The following CTNNA2 variants were observed in gnomAD, a reference collection of about 807,000 sequenced individuals.
CTNNA2 encodes the protein catenin alpha-2.
CTNNA2 carries 42 observed loss-of-function variants against 101.0 expected under a neutral mutation model. The observed-to-expected ratio is 0.42, with a 90% CI of 0.32 to 0.54. The LOEUF is 0.54. CTNNA2 is among the 20% of genes least tolerant of loss of function. CTNNA2 has a pLI of 0.14. For missense variants in CTNNA2, 871 were observed against 1,223.1 expected (o/e 0.71, Z 4.29); for synonymous variants, 450 against 456.4 (o/e 0.99, Z 0.18).
intron 7 of CTNNA2, among the ~76,000 whole-genome samples, chr2:80,365,255 G>T (rs12468170): frequency 0.085 from 12,856 of 152,028 alleles, 895 homozygotes; most frequent in African/African-American, 0.19. Flanking sequence ...AAATTCAAGG[G>T]ACTACTTCAA....
intron 9 of CTNNA2, among the ~76,000 whole-genome samples, chr2:80,469,016 G>A (rs1685079992): frequency 4.6e-5 from 7 of 152,168 alleles, no homozygotes; most frequent in Admixed American, 4.6e-4. Context: ...CAGGAGGCAG[G>A]ACGGAGGTGT....
intron 4 of CTNNA2, among the ~76,000 whole-genome samples, chr2:79,440,489 C>G (rs2104517889): frequency 6.6e-6 from 1 of 152,232 alleles, no homozygotes; most frequent in African/African-American, 2.4e-5. Context: ...TTATTATAAA[C>G]AGAAATAGAT....
chr2:79,214,289 T>A (rs1304374077), intron 2 of CTNNA2, among the ~76,000 whole-genome samples: 1 of 152,056 alleles, frequency 6.6e-6, no homozygotes, highest in Non-Finnish European at 1.5e-5. Context: ...GAAGAGAGGC[T>A]GGGATGAAGG....
chr2:80,552,252 C>A (rs1235413331), intron 11 of CTNNA2, among the ~76,000 whole-genome samples: 1 of 151,872 alleles, frequency 6.6e-6, no homozygotes, highest in Non-Finnish European at 1.5e-5. Flanking sequence ...AGGAAATGAG[C>A]ACATGCTGTT....
intron 2 of CTNNA2, among the ~76,000 whole-genome samples, chr2:79,716,130 TG>T (rs1686086625): frequency 6.6e-6 from 1 of 151,698 alleles, no homozygotes; most frequent in African/African-American, 2.4e-5. Context: ...CAAAATTGGG[TG>T]TACAGGGCCA....
At chr2:79,463,714 A>C (rs1377544747) in intron 4 of CTNNA2, among the ~76,000 whole-genome samples, 1 of 152,176 alleles carries the variant, frequency 6.6e-6, no homozygotes, top group East Asian at 1.9e-4. Context: ...TAAAGCCTGA[A>C]GTTCTCAACA....
At chr2:80,403,587 A>T (rs1678778765) in intron 8 of CTNNA2, among the ~76,000 whole-genome samples, 1 of 152,196 alleles carries the variant, frequency 6.6e-6, no homozygotes, top group South Asian at 2.1e-4. Flanking sequence ...TAATTTCCTT[A>T]CTGCCTAATT....
chr2:79,701,164 AG>A (rs1382013978), intron 2 of CTNNA2, among the ~76,000 whole-genome samples: 1 of 152,184 alleles, frequency 6.6e-6, no homozygotes, highest in Non-Finnish European at 1.5e-5. Flanking sequence ...ATGTTCCACT[AG>A]TATGAACACA....
At chr2:79,552,196 A>G (rs572981393) in intron 1 of CTNNA2, among the ~76,000 whole-genome samples, 44 of 152,282 alleles carry the variant, frequency 2.9e-4, no homozygotes, top group African/African-American at 1.1e-3. Flanking sequence ...TCCCATTCCA[A>G]AAGGGAAAAA....
At chr2:79,983,388 A>C (rs115145557) in intron 7 of CTNNA2, among the ~76,000 whole-genome samples, 1 of 152,042 alleles carries the variant, frequency 6.6e-6, no homozygotes, top group African/African-American at 2.4e-5. Flanking sequence ...AATAATAAAC[A>C]TTTTTATAAA....
At chr2:79,481,657 C>A (rs1671111722) in intron 4 of CTNNA2, among the ~76,000 whole-genome samples, 1 of 152,126 alleles carries the variant, frequency 6.6e-6, no homozygotes, top group Admixed American at 6.6e-5. Context: ...ATACTTATTA[C>A]CTTGATTGTG....
chr2:80,361,816 T>C (rs1027333548), intron 7 of CTNNA2, among the ~76,000 whole-genome samples: 2 of 152,118 alleles, frequency 1.3e-5, no homozygotes, highest in Non-Finnish European at 2.9e-5. Flanking sequence ...AAGAAAATGG[T>C]TTCATTGTTG....
chr2:80,574,033 C>A (rs1373618628), intron 12 of CTNNA2, 130 bp from the exon 13 acceptor site: 2 of 872,556 alleles, frequency 2.3e-6, no homozygotes, highest in African/African-American at 1.7e-5. Flanking sequence ...TCACTTCAAA[C>A]TGGACAGATG....
intron 6 of CTNNA2, among the ~76,000 whole-genome samples, chr2:79,894,801 T>A (rs1684584210): frequency 6.6e-6 from 1 of 152,220 alleles, no homozygotes; most frequent in South Asian, 2.1e-4. Flanking sequence ...TCTCTCCAAA[T>A]GTGAGCACCA....
intron 7 of CTNNA2, among the ~76,000 whole-genome samples, chr2:79,977,169 G>T (rs570545506): frequency 6.6e-6 from 1 of 151,416 alleles, no homozygotes; most frequent in South Asian, 2.1e-4. Flanking sequence ...ATCAATAAAT[G>T]CATGAGTGAT....
chr2:79,842,311 A>G (rs1679883363), intron 3 of CTNNA2, among the ~76,000 whole-genome samples: 1 of 152,184 alleles, frequency 6.6e-6, no homozygotes, highest in African/African-American at 2.4e-5. Flanking sequence ...AGCCTCTGGC[A>G]AAACTAGCCT....
rs561405592 is a variant in CTNNA2, at chr2:80,109,961, C to T, written c.1056+200164C>T. 4.6e-5 allele frequency among the ~76,000 whole-genome samples: 7 copies of T among 152,234 alleles called. No individual in the cohort carries two copies. The East Asian group carries it at 1.4e-3, about 29-fold the overall frequency. On this transcript the variant is annotated intron_variant, in intron 7 of 18. Coordinates refer to ENST00000402739, the MANE Select transcript of CTNNA2 (RefSeq NM_001282597.3). ...TTTTAATCTGAATTAATACAGTGTA[C>T]ATTTTGATAAGAGCTGCTTTTTATG... is the stretch of plus-strand genomic sequence containing the variant.
intron 4 of CTNNA2, among the ~76,000 whole-genome samples, chr2:79,413,934 CATATATAT>C (rs70940033): frequency 0.045 from 6,313 of 139,836 alleles, 156 homozygotes; most frequent in Non-Finnish European, 0.05. Flanking sequence ...GAGCTGAATT[CATATATAT>C]ATATATATAT....
chr2:80,329,181 T>C (rs1422398063), intron 7 of CTNNA2, among the ~76,000 whole-genome samples: 1 of 152,230 alleles, frequency 6.6e-6, no homozygotes, highest in Non-Finnish European at 1.5e-5. Flanking sequence ...TCAGCTGACT[T>C]CCTTTCAACC....
Sources: allele counts gnomAD v4.1 joint callset (sites outside exome capture counted in the v4.1 genomes callset), GRCh38; gene constraint gnomAD v4.1.1; transcripts MANE v1.5; gene names NCBI Gene and HGNC (gene_info 2026-07-23, HGNC 2026-07-21).